Variants in SYDE2 observed in about 807,000 individuals in gnomAD.
SYDE2 encodes the protein synapse defective Rho GTPase homolog 2.
A neutral mutation model predicts 91.5 loss-of-function variants in SYDE2; 76 were observed. The ratio of observed to expected loss-of-function variants is 0.83; its 90% CI spans 0.69 to 1.01. The LOEUF (loss-of-function observed/expected upper bound fraction) is 1.01, where lower values mean the gene tolerates loss of function less well. SYDE2 is among the 50% of genes least tolerant of loss of function. The pLI, the probability that SYDE2 is intolerant of heterozygous loss-of-function variation, is 0.00. For synonymous variants in SYDE2, 513 were observed against 506.4 expected (o/e 1.01, Z -0.18); for missense variants, 1,364 against 1,367.7 (o/e 1.00, Z 0.04).
rs1557744016 is a variant in SYDE2 at position 85,169,164 on chromosome 1, CT to C, written c.2732del (p.Glu911GlyfsTer4). The C allele has an allele frequency of 6.2e-7, 1 of 1,613,800 alleles. No individual in the cohort carries two copies. The highest frequency in any genetic ancestry group is 8.5e-7 in the Non-Finnish European group (1 of 1,179,814). The part of the protein sequence containing the change: ...PSPLITKQLY[E>X]AVLDAMAKSP... ...TTTTTGCCATTGCATCTAATACAGC[CT>C]CATAAAGCTGCTTTGTTATCAGAGG... On this transcript the variant is annotated frameshift_variant, in exon 5 of 7. Transcript: ENST00000341460. LOFTEE classifies it high-confidence loss of function.
chr1:85,180,092 T>C (rs1657854617), intron 3 of SYDE2, among the ~76,000 whole-genome samples: 1 of 152,158 alleles, frequency 6.6e-6, no homozygotes, highest in Non-Finnish European at 1.5e-5. Context: ...ATAAGTATGA[T>C]CTCCATAGCA....
chr1:85,186,167 G>A (rs1658131203), intron 2 of SYDE2, among the ~76,000 whole-genome samples: 1 of 152,022 alleles, frequency 6.6e-6, no homozygotes, highest in Non-Finnish European at 1.5e-5. Flanking sequence ...TGGTGGATAA[G>A]CTTTTTGATG....
intron 4 of SYDE2, among the ~76,000 whole-genome samples, chr1:85,169,833 G>A (rs569506016): frequency 1.3e-5 from 2 of 152,218 alleles, no homozygotes; most frequent in South Asian, 2.1e-4. Context: ...AACATCAGAC[G>A]TGTCACTATA....
intron 6 of SYDE2, chr1:85,160,852 C>T: frequency 1.0e-6 from 1 of 985,378 alleles, no homozygotes; most frequent in Non-Finnish European, 1.2e-6. Flanking sequence ...AATCCAGATT[C>T]ATTTTGTTGC....
chr1:85,169,044 C>A lies in SYDE2; in HGVS notation c.2853G>T (p.Lys951Asn), dbSNP rs142164438. 6.2e-7 allele frequency: 1 copy of A among 1,613,596 alleles called. No homozygotes were observed. Among genetic ancestry groups the A allele is most frequent in the Non-Finnish European group, 8.5e-7 (1 of 1,179,604 alleles). The change falls in exon 5 of 7, where the codon AAG becomes AAT. Residue 951 changes from lysine (K) to asparagine (N), a missense_variant and splice_region_variant. Physicochemically the swap from Lys to Asn is moderately conservative, Grantham distance 94 (BLOSUM62 0). Coordinates refer to ENST00000341460, the MANE Select transcript of SYDE2 (RefSeq NM_032184.2). The part of the protein sequence containing the change: ...DLLDCLPEIE[K>N]ATLKMLLDHL... ...AAAAATGTATACTGGTAATGCTTAC[C>A]TTCTCAATCTCTGGCAGACAATCCA...
intron 2 of SYDE2, 84 bp from the exon 3 acceptor site, chr1:85,183,284 A>G: frequency 1.6e-6 from 2 of 1,262,222 alleles, no homozygotes; most frequent in Non-Finnish European, 1.1e-6. Context: ...TCAACTAAAC[A>G]GGCTTTCACA....
chr1:85,186,746 G>C (rs1341887029), intron 2 of SYDE2, among the ~76,000 whole-genome samples: 2 of 151,688 alleles, frequency 1.3e-5, no homozygotes, highest in Non-Finnish European at 2.9e-5. Flanking sequence ...ACAAACCTGA[G>C]AAAAACAAGC....
intron 2 of SYDE2, among the ~76,000 whole-genome samples, chr1:85,183,921 T>G (rs1557752999): frequency 6.6e-6 from 1 of 151,914 alleles, no homozygotes. Context: ...TAATTTCTAC[T>G]GAAGTCCTTA....
At position 85,183,138 on chromosome 1, in the gene SYDE2, T is replaced by C; in HGVS notation, c.1504A>G (p.Asn502Asp). The C allele has an allele frequency of 1.2e-6, 2 of 1,607,500 alleles. No individual in the cohort carries two copies. The highest frequency in any genetic ancestry group is 2.2e-5 in the South Asian group (2 of 89,354). ...CTGCCTTTTTTCACAGGGCTAGGAT[T>C]TGGAGAAGATGGTTCCATAATTCCC... ...ELGIMEPSSP[N>D]PSPVKKGSSI... The change falls in exon 3 of 7, where the codon AAT becomes GAT. Residue 502 changes from asparagine to aspartate, a missense_variant. Asn to Asp is a conservative substitution (Grantham distance 23). Coordinates refer to ENST00000341460, the MANE Select transcript of SYDE2 (RefSeq NM_032184.2).
Position 85,187,241 on chromosome 1 carries a change from T to C in SYDE2, c.1441+2816A>G, listed in dbSNP as rs542192678. ...GACAATTCTCAAAAGAAGACATTTA[T>C]GCAGCCAAAAAACACATGAAAAAAT... On this transcript the variant is annotated intron_variant, in intron 2 of 6. Coordinates refer to ENST00000341460, the MANE Select transcript of SYDE2 (RefSeq NM_032184.2). Among the ~76,000 whole-genome samples the C allele has an allele frequency of 2.6e-5, 4 of 152,298 alleles. No homozygotes were observed. The South Asian group carries it at 8.3e-4, about 32-fold the overall frequency.
chr1:85,171,176 C>A (rs1000934127), intron 4 of SYDE2, among the ~76,000 whole-genome samples: 2 of 152,030 alleles, frequency 1.3e-5, no homozygotes, highest in Admixed American at 6.6e-5. Context: ...ATATAAAAAT[C>A]TGAGATGAAA....
intron 6 of SYDE2, among the ~76,000 whole-genome samples, chr1:85,161,745 A>C (rs927669137): frequency 6.6e-6 from 1 of 151,896 alleles, no homozygotes; most frequent in Non-Finnish European, 1.5e-5. Flanking sequence ...AAAAAAAAGA[A>C]AGAAAATGTG....
At chr1:85,159,787 T>A in intron 6 of SYDE2, 2 of 917,556 alleles carry the variant, frequency 2.2e-6, no homozygotes, top group South Asian at 1.0e-4. Flanking sequence ...TTCACTTTGA[T>A]AAAATGTACA....
At chr1:85,170,497 G>A (rs1410395033) in intron 4 of SYDE2, among the ~76,000 whole-genome samples, 1 of 152,138 alleles carries the variant, frequency 6.6e-6, no homozygotes, top group African/African-American at 2.4e-5. Flanking sequence ...TGAGAGTTGA[G>A]TATCCTTAGT....
In SYDE2 at chr1:85,182,277, A is replaced by T; in HGVS notation, c.2365T>A (p.Tyr789Asn). 1 of 1,613,230 alleles carries T rather than the reference A, an allele frequency of 6.2e-7. No individual in the cohort carries two copies. The highest frequency in any genetic ancestry group is 8.5e-7 in the Non-Finnish European group (1 of 1,179,648). ...TGTTCCATAAGAGTCACTTTCACATAAATAAGACCTCTAGGTTCAAGTTTG... is the reference window on the plus strand; with the variant it reads ...TGTTCCATAAGAGTCACTTTCACATTAATAAGACCTCTAGGTTCAAGTTTG... The part of the protein sequence containing the change: ...AVKLEPRGLI[Y>N]VKVTLMEQWE... Residue 789 changes from tyrosine (Y) to asparagine (N), a missense_variant, in exon 3 of 7, where the codon TAT becomes AAT. Coordinates refer to ENST00000341460, the MANE Select transcript of SYDE2 (RefSeq NM_032184.2).
At position 85,182,627 on chromosome 1, in the gene SYDE2, G is replaced by A; in HGVS notation, c.2015C>T (p.Pro672Leu). 1.2e-6 allele frequency: 2 copies of A among 1,613,842 alleles called. No individual in the cohort carries two copies. Among genetic ancestry groups the A allele is most frequent in the South Asian group, 1.1e-5 (1 of 91,072 alleles). The change falls in exon 3 of 7, where the codon CCT (proline) becomes CTT (leucine). Residue 672 changes from proline to leucine, a missense_variant. Coordinates refer to ENST00000341460, the MANE Select transcript of SYDE2 (RefSeq NM_032184.2). The stretch of plus-strand genomic sequence containing the variant: ...CCCAGATATGTACTGTGAACACTTA[G>A]GTTGATCAGAAAAGCTATAATGCCT... The part of the protein sequence containing the change: ...AFRHYSFSDQ[P>L]KCSQYISGLM...
chr1:85,187,383 T>A (rs998982760), intron 2 of SYDE2, among the ~76,000 whole-genome samples: 6 of 152,024 alleles, frequency 3.9e-5, no homozygotes, highest in Non-Finnish European at 8.8e-5. Flanking sequence ...CTGGAGAGGA[T>A]GTGGAGAAAT....
chr1:85,173,041 T>C (rs976965272), intron 4 of SYDE2, among the ~76,000 whole-genome samples: 1 of 152,138 alleles, frequency 6.6e-6, no homozygotes, highest in African/African-American at 2.4e-5. Context: ...CTATGTTGAA[T>C]TGTGGCCCCC....
At chr1:85,184,892 A>AT (rs1658071142) in intron 2 of SYDE2, among the ~76,000 whole-genome samples, 2 of 152,048 alleles carry the variant, frequency 1.3e-5, no homozygotes, top group Admixed American at 6.6e-5. Flanking sequence ...AAAAAAAAAA[A>AT]AAAGATACAT....
Sources: allele counts gnomAD v4.1 joint callset (sites outside exome capture counted in the v4.1 genomes callset), GRCh38; gene constraint gnomAD v4.1.1; transcripts MANE v1.5; gene names NCBI Gene and HGNC (gene_info 2026-07-23, HGNC 2026-07-21).